PI4KB: variants seen among roughly 807,000 people sequenced by gnomAD.
The protein encoded by PI4KB is phosphatidylinositol 4-kinase beta, also known as PtdIns 4-kinase beta.
PI4KB carries 23 observed loss-of-function variants against 81.4 expected under a neutral mutation model. That is an observed-to-expected ratio of 0.28 (90% CI 0.20 to 0.40). The LOEUF (loss-of-function observed/expected upper bound fraction) is 0.40. PI4KB is among the 10% of genes least tolerant of loss of function. The pLI, the probability that PI4KB is intolerant of heterozygous loss-of-function variation, is 1.00. For synonymous variants in PI4KB, 381 were observed against 406.8 expected (o/e 0.94, Z 0.76); for missense variants, 651 against 1,036.6 (o/e 0.63, Z 5.11).
intron 2 of PI4KB, among the ~76,000 whole-genome samples, chr1:151,314,243 T>C (rs988453783): frequency 6.6e-6 from 1 of 152,358 alleles, no homozygotes; most frequent in East Asian, 1.9e-4. Flanking sequence ...GCCAAGACCA[T>C]AGCTATCCGC....
At chr1:151,305,381 G>A (rs587724237) in intron 5 of PI4KB, among the ~76,000 whole-genome samples, 2 of 152,284 alleles carry the variant, frequency 1.3e-5, no homozygotes, top group East Asian at 1.9e-4. Flanking sequence ...CCATGCCCAC[G>A]TGTCCAGTCT....
chr1:151,314,038 A>C (rs1647527834), intron 2 of PI4KB, among the ~76,000 whole-genome samples: 1 of 152,274 alleles, frequency 6.6e-6, no homozygotes, highest in Non-Finnish European at 1.5e-5. Flanking sequence ...CCTGGCACAT[A>C]AGTGCTGAAT....
chr1:151,294,940 A>C (rs1479550042), intron 9 of PI4KB, among the ~76,000 whole-genome samples: 2 of 152,204 alleles, frequency 1.3e-5, no homozygotes, highest in East Asian at 3.8e-4. Context: ...GGGAGGCTCT[A>C]TTCTGAGCCT....
At chr1:151,293,453 C>T (rs1322423024) in intron 11 of PI4KB, 11 of 1,205,720 alleles carry the variant, frequency 9.1e-6, no homozygotes, top group Non-Finnish European at 1.2e-5. Flanking sequence ...TCCTGAGCAA[C>T]GGCGACAACC....
intron 6 of PI4KB, among the ~76,000 whole-genome samples, chr1:151,303,147 C>T (rs1303542277): frequency 7.2e-5 from 11 of 151,738 alleles, no homozygotes; most frequent in East Asian, 2.0e-4. Flanking sequence ...TACAGGCATC[C>T]GCCACCACGC....
intron 1 of PI4KB, among the ~76,000 whole-genome samples, chr1:151,321,152 C>T (rs1297299871): frequency 6.6e-6 from 1 of 152,152 alleles, no homozygotes; most frequent in Non-Finnish European, 1.5e-5. Flanking sequence ...CTCCCGGCAG[C>T]TTTTACTCCT....
chr1:151,327,523 T>TAATAA, upstream of PI4KB: 1 of 394,142 alleles, frequency 2.5e-6, no homozygotes. Context: ...ACCAAAAAAA[T>TAATAA]AATAAAATAA....
chr1:151,317,253 C>A (rs1320982150), intron 1 of PI4KB, among the ~76,000 whole-genome samples: 1 of 151,842 alleles, frequency 6.6e-6, no homozygotes, highest in Non-Finnish European at 1.5e-5. Context: ...AAGCCTCCCA[C>A]CTCAGCCTCC....
chr1:151,310,387 T>C (rs1029150124), intron 2 of PI4KB, 132 bp from the exon 3 acceptor site: 1 of 638,516 alleles, frequency 1.6e-6, no homozygotes, highest in Admixed American at 2.8e-5. Flanking sequence ...TCTGCTTTAA[T>C]AAAAGAAAGT....
intron 2 of PI4KB, among the ~76,000 whole-genome samples, chr1:151,311,214 C>G (rs949372099): frequency 6.6e-6 from 1 of 151,808 alleles, no homozygotes; most frequent in South Asian, 2.1e-4. Flanking sequence ...CATGGTCTAC[C>G]AGGGCAGGGA....
intron 2 of PI4KB, among the ~76,000 whole-genome samples, chr1:151,311,401 T>G (rs1696207869): frequency 6.6e-6 from 1 of 152,178 alleles, no homozygotes. Flanking sequence ...ATTCCATGGT[T>G]TCAGTTCTAT....
chr1:151,302,744 A>AT lies in PI4KB; in HGVS notation c.1521-447dup, dbSNP rs762143355. Reference sequence around the variant, plus strand: ...AGGCGCCCACCACCACGCCCAGCTAATTTTTTTTTTGTATTTTTTTGGTAG... The same window carrying AT: ...AGGCGCCCACCACCACGCCCAGCTAATTTTTTTTTTTGTATTTTTTTGGTAG... On this transcript the variant is annotated intron_variant, in intron 6 of 11. Coordinates refer to ENST00000368873, the MANE Select transcript of PI4KB (RefSeq NM_001369623.2). Among the ~76,000 whole-genome samples the AT allele has an allele frequency of 4.6e-3, 664 of 144,810 alleles. 6 individuals carry two copies. Among genetic ancestry groups the AT allele is most frequent in the Middle Eastern group, 0.018 (5 of 284 alleles).
chr1:151,319,626 A>G (rs1030666434), intron 1 of PI4KB, among the ~76,000 whole-genome samples: 1 of 152,238 alleles, frequency 6.6e-6, no homozygotes, highest in African/African-American at 2.4e-5. Context: ...AGGAAGTTCA[A>G]TGAAAGAACA....
chr1:151,298,060 T>C (rs910237694), intron 9 of PI4KB, among the ~76,000 whole-genome samples: 5 of 152,204 alleles, frequency 3.3e-5, no homozygotes, highest in African/African-American at 9.7e-5. Flanking sequence ...GCCTCACCTA[T>C]ATGTGTAGTT....
At chr1:151,317,486 T>A (rs568793866) in intron 1 of PI4KB, among the ~76,000 whole-genome samples, 4 of 152,014 alleles carry the variant, frequency 2.6e-5, no homozygotes, top group African/African-American at 9.6e-5. Flanking sequence ...CTGGTTAATT[T>A]TTTAAATTTT....
Position 151,294,395 on chromosome 1 carries a change from C to T in PI4KB, c.2148+14G>A. ...ACAATGACCCCCGAGAGGCACCTCT[C>T]CTTCTTGACTCACATCCACAAACTC... On this transcript the variant is annotated intron_variant, in intron 10 of 11. Coordinates refer to ENST00000368873, the MANE Select transcript of PI4KB (RefSeq NM_001369623.2). 6.2e-7 allele frequency: 1 copy of T among 1,613,562 alleles called. No homozygotes were observed. Among genetic ancestry groups the T allele is most frequent in the African/African-American group, 1.3e-5 (1 of 75,028 alleles).
At chr1:151,308,417 T>C (rs1483806032) in intron 3 of PI4KB, among the ~76,000 whole-genome samples, 1 of 152,176 alleles carries the variant, frequency 6.6e-6, no homozygotes, top group Non-Finnish European at 1.5e-5. Context: ...GGAAAGAGGA[T>C]GAGCCGATGA....
chr1:151,292,004 C>G lies in PI4KB; in HGVS notation c.*848G>C, dbSNP rs950117558. On this transcript the variant is annotated 3_prime_UTR_variant, in exon 12 of 12. Transcript: ENST00000368873. ...TTCTCAGGGAAGAGGTGGTAGTGAC[C>G]AAGACAGGCAGGGAAAAAGCAAACT... is the stretch of plus-strand genomic sequence containing the variant. 3 of 151,968 alleles carry G rather than the reference C, an allele frequency of 2.0e-5. No individual in the cohort carries two copies. Among genetic ancestry groups the G allele is most frequent in the African/African-American group, 7.3e-5 (3 of 41,290 alleles). The allele number at this position is 151,968 out of a possible 1,614,324, so 9.4% of individuals were successfully genotyped here.
At chr1:151,326,231 T>C in intron 1 of PI4KB, 1 of 1,584,658 alleles carries the variant, frequency 6.3e-7, no homozygotes, top group African/African-American at 1.3e-5. Flanking sequence ...TCCGGAGTAG[T>C]CAACCAAGTG....
Sources: gnomAD v4.1 joint callset for allele counts (sites outside exome capture counted in the v4.1 genomes callset) on GRCh38, gnomAD v4.1.1 for gene constraint, MANE v1.5 for transcripts, NCBI Gene and HGNC (gene_info 2026-07-23, HGNC 2026-07-21) for gene names.